Variants in CAMK2B observed in about 807,000 individuals in gnomAD.
CAMK2B encodes calcium/calmodulin dependent protein kinase II beta.
Under a neutral mutation model 93.7 loss-of-function variants are expected in CAMK2B, and 27 were observed. That is an observed-to-expected ratio of 0.29 (90% confidence interval 0.21 to 0.40). The LOEUF (loss-of-function observed/expected upper bound fraction) is 0.40, where lower values mean the gene tolerates loss of function less well. CAMK2B is among the 10% of genes least tolerant of loss of function. The pLI is 1.00. For synonymous variants in CAMK2B, 374 were observed against 358.8 expected (o/e 1.04, Z -0.48); for missense variants, 568 against 895.8 (o/e 0.63, Z 4.67).
At chr7:44,281,627 C>G (rs547229452) in intron 2 of CAMK2B, among the ~76,000 whole-genome samples, 10 of 152,204 alleles carry the variant, frequency 6.6e-5, no homozygotes, top group Non-Finnish European at 1.3e-4. Flanking sequence ...CCGGCGACAT[C>G]TGCCCCCCAG....
rs1562869953 is a variant in CAMK2B, at chr7:44,241,849, AGGCTTGT to A, written c.820-73_820-67del. The A allele has an allele frequency of 1.5e-6, 2 of 1,344,682 alleles. 1 individual carries two copies. 83.3% of individuals were successfully genotyped at this position (1,344,682 alleles called of 1,614,324 possible). A position where few individuals can be genotyped will look rare whatever the true frequency, so the allele number is the denominator to read the frequency against. ...GCACAGGGGAGAGGCCAGGGTGGCA[AGGCTTGT>A]GGCACCCTGGGGTCCCCACTTGCCA... On this transcript the variant is annotated intron_variant, in intron 10 of 23. Transcript: ENST00000395749.
intron 13 of CAMK2B, among the ~76,000 whole-genome samples, chr7:44,236,194 TGCTGACC>T (rs2096624608): frequency 6.6e-6 from 1 of 152,230 alleles, no homozygotes; most frequent in African/African-American, 2.4e-5. Context: ...GCCTGCTGCC[TGCTGACC>T]ACCCCCTCCC....
intron 1 of CAMK2B, among the ~76,000 whole-genome samples, chr7:44,306,008 A>G (rs959890219): frequency 4.6e-5 from 7 of 151,932 alleles, no homozygotes; most frequent in African/African-American, 1.7e-4. Context: ...GCAAGGGGGG[A>G]TGATGTGGCC....
Position 44,240,521 on chromosome 7 carries a change from GTGGTA to G in CAMK2B, c.946+181_946+185del, listed in dbSNP as rs577283872. Among the ~76,000 whole-genome samples the G allele has an allele frequency of 3.0e-4, 45 of 152,370 alleles. 1 individual carries two copies. The East Asian group carries it at 8.7e-3, about 29-fold the overall frequency. The stretch of plus-strand genomic sequence containing the variant: ...TGATGGCCTCGGGGGGCTGGACCCT[GTGGTA>G]TCACCCAAGGTGGGAGCCCAGCGGG... On this transcript the variant is annotated intron_variant, in intron 12 of 23. Transcript: ENST00000395749.
At chr7:44,244,698 C>T (rs1562881837) in intron 6 of CAMK2B, among the ~76,000 whole-genome samples, 8 of 151,592 alleles carry the variant, frequency 5.3e-5, no homozygotes, top group Admixed American at 2.6e-4. Context: ...AAAAAGTGAC[C>T]CCCAGAATGA....
chr7:44,294,256 C>T (rs573603001), intron 1 of CAMK2B, among the ~76,000 whole-genome samples: 6 of 152,264 alleles, frequency 3.9e-5, no homozygotes, highest in East Asian at 1.9e-4. Flanking sequence ...ACAGGACCAA[C>T]GGAAGGGGTG....
chr7:44,275,297 G>A (rs1232743931), intron 2 of CAMK2B, among the ~76,000 whole-genome samples: 6 of 152,190 alleles, frequency 3.9e-5, no homozygotes, highest in East Asian at 1.9e-4. Context: ...TTTGGGACTC[G>A]GTGTCTACAC....
At chr7:44,222,020 T>C (rs2096413899) in intron 20 of CAMK2B, among the ~76,000 whole-genome samples, 1 of 152,220 alleles carries the variant, frequency 6.6e-6, no homozygotes, top group Non-Finnish European at 1.5e-5. Context: ...ACTACTGTCC[T>C]GAGTGAGGTC....
intron 13 of CAMK2B, among the ~76,000 whole-genome samples, chr7:44,238,203 G>T (rs2096643722): frequency 6.6e-6 from 1 of 152,222 alleles, no homozygotes; most frequent in African/African-American, 2.4e-5. Context: ...GGACAGCCAT[G>T]CTGGGCTCTG....
intron 1 of CAMK2B, among the ~76,000 whole-genome samples, chr7:44,300,849 G>A (rs553129193): frequency 6.6e-6 from 1 of 152,196 alleles, no homozygotes; most frequent in South Asian, 2.1e-4. Flanking sequence ...AAGCTCACAT[G>A]GAACAATCAC....
chr7:44,319,251 G>T (rs1477148253), intron 1 of CAMK2B, among the ~76,000 whole-genome samples: 2 of 152,154 alleles, frequency 1.3e-5, no homozygotes, highest in Non-Finnish European at 2.9e-5. Flanking sequence ...CCTGGATGAG[G>T]GAGGTGGCAT....
At chr7:44,281,631 C>A (rs568758523) in intron 2 of CAMK2B, among the ~76,000 whole-genome samples, 7 of 152,170 alleles carry the variant, frequency 4.6e-5, no homozygotes, top group Non-Finnish European at 1.0e-4. Flanking sequence ...CGACATCTGC[C>A]CCCCAGCACC....
chr7:44,229,119 C>A, intron 18 of CAMK2B, 195 bp from the exon 19 acceptor site: 1 of 653,758 alleles, frequency 1.5e-6, no homozygotes, highest in Non-Finnish European at 2.8e-6. Context: ...CCTGCACCGA[C>A]CCTGAAGACT....
chr7:44,228,992 A>C (rs1380725715), intron 18 of CAMK2B, 68 bp from the exon 19 acceptor site: 3 of 1,507,692 alleles, frequency 2.0e-6, no homozygotes, highest in Admixed American at 1.7e-5. Flanking sequence ...AAGGCGGAGG[A>C]GGCCAGTGGG....
At chr7:44,282,640 G>A (rs1186353368) in intron 2 of CAMK2B, among the ~76,000 whole-genome samples, 1 of 152,240 alleles carries the variant, frequency 6.6e-6, no homozygotes, top group East Asian at 1.9e-4. Context: ...CCACAGCCTG[G>A]TGTCAGGGAA....
chr7:44,238,205 T>TG (rs1265319640), intron 13 of CAMK2B, among the ~76,000 whole-genome samples: 1 of 152,224 alleles, frequency 6.6e-6, no homozygotes, highest in Non-Finnish European at 1.5e-5. Flanking sequence ...ACAGCCATGC[T>TG]GGGCTCTGTC....
At chr7:44,277,188 G>C (rs1274210547) in intron 2 of CAMK2B, among the ~76,000 whole-genome samples, 1 of 152,080 alleles carries the variant, frequency 6.6e-6, no homozygotes, top group East Asian at 1.9e-4. Context: ...GTTGGGGTAG[G>C]GGGTAGATAA....
In CAMK2B at chr7:44,271,356, T is replaced by A. The variant is rs1305957480; in HGVS notation, c.161-8292A>T. Among the ~76,000 whole-genome samples the A allele has an allele frequency of 6.6e-6, 1 of 152,216 alleles. No individual in the cohort carries two copies. The highest frequency in any genetic ancestry group is 1.5e-5 in the Non-Finnish European group (1 of 68,036). On this transcript the variant is annotated intron_variant, in intron 2 of 23. Coordinates refer to ENST00000395749, the MANE Select transcript of CAMK2B (RefSeq NM_001220.5). The surrounding 1 kb of genome is among the most constrained non-coding windows in gnomAD (Gnocchi z 4.2). The stretch of plus-strand genomic sequence containing the variant: ...AAACTTGACTGCGCTCGCACACTAG[T>A]GACAGAGTACTTGGGAGCCAAGCGC...
chr7:44,232,788 T>C (rs2096591696), intron 16 of CAMK2B, 34 bp downstream of exon 16: 1 of 1,608,826 alleles, frequency 6.2e-7, no homozygotes, highest in Admixed American at 1.7e-5. Flanking sequence ...GCCTCCTGCC[T>C]GGGGAAAGCG....
Sources: allele counts gnomAD v4.1 joint callset (sites outside exome capture counted in the v4.1 genomes callset), GRCh38; gene constraint gnomAD v4.1.1; non-coding constraint Gnocchi (gnomAD v3.1); transcripts MANE v1.5; gene names NCBI Gene and HGNC (gene_info 2026-07-23, HGNC 2026-07-21).